STX19: variants seen among roughly 807,000 people sequenced by gnomAD.
STX19 encodes the protein syntaxin-19.
Under a neutral mutation model 24.3 loss-of-function variants are expected in STX19, and 26 were observed. The observed-to-expected ratio is 1.07, with a 90% CI of 0.78 to 1.48. The LOEUF is 1.48. STX19 is among the 40% of genes most tolerant of loss of function. The pLI, the probability that STX19 is intolerant of heterozygous loss-of-function variation, is 0.00. For synonymous variants in STX19, 116 were observed against 106.9 expected, an observed-to-expected ratio of 1.09 and a Z score of -0.52; for missense variants, 367 against 331.9, an observed-to-expected ratio of 1.11 and a Z score of -0.82.
intron 1 of STX19, among the ~76,000 whole-genome samples, chr3:94,025,820 G>A (rs1345130867): frequency 1.3e-5 from 2 of 152,110 alleles, no homozygotes; most frequent in African/African-American, 4.8e-5. Flanking sequence ...AGTTATTCCT[G>A]TCTTTGTATA....
intron 1 of STX19, 149 bp from the exon 2 acceptor site, chr3:94,015,431 T>G (rs2076311121): frequency 5.7e-6 from 3 of 521,866 alleles, no homozygotes; most frequent in Non-Finnish European, 6.4e-6. Flanking sequence ...CCAATGAGTT[T>G]CCTCATAAAA....
Sources: gnomAD v4.1 joint callset for allele counts (sites outside exome capture counted in the v4.1 genomes callset) on GRCh38, gnomAD v4.1.1 for gene constraint, MANE v1.5 for transcripts, NCBI Gene and HGNC (gene_info 2026-07-23, HGNC 2026-07-21) for gene names.